The following ST6GAL2 variants were observed in gnomAD, a reference collection of about 807,000 sequenced individuals.
ST6GAL2 encodes ST6 beta-galactoside alpha-2,6-sialyltransferase 2, also known as beta-galactoside alpha-2,6-sialyltransferase 2.
In ST6GAL2, 24 loss-of-function variants were observed where a neutral mutation model predicts 37.5. That is an observed-to-expected ratio of 0.64 (90% CI 0.46 to 0.90). The LOEUF (loss-of-function observed/expected upper bound fraction) is 0.90. Ranked by LOEUF, ST6GAL2 falls within the 40% of genes least tolerant of loss-of-function variation. ST6GAL2 has a pLI of 0.00. For missense variants in ST6GAL2, 715 were observed against 712.7 expected, an observed-to-expected ratio of 1.00 and a Z score of -0.04; for synonymous variants, 306 against 295.1, an observed-to-expected ratio of 1.04 and a Z score of -0.38.
chr2:106,886,901 C>T (rs1573342518), upstream of ST6GAL2: 1 of 152,300 alleles, frequency 6.6e-6, no homozygotes, highest in Non-Finnish European at 1.5e-5. Context: ...CGGTGCGGGG[C>T]AGCACGGCTG....
intron 5 of ST6GAL2, among the ~76,000 whole-genome samples, chr2:106,810,261 T>C (rs1675556591): frequency 6.6e-6 from 1 of 152,252 alleles, no homozygotes; most frequent in South Asian, 2.1e-4. Context: ...TCAATATATG[T>C]AAATAGGCAC....
At chr2:106,855,967 C>T (rs1677557394) in intron 1 of ST6GAL2, among the ~76,000 whole-genome samples, 1 of 152,170 alleles carries the variant, frequency 6.6e-6, no homozygotes, top group South Asian at 2.1e-4. Context: ...ATGAAAGCTT[C>T]ACAGAGTGCT....
intron 1 of ST6GAL2, among the ~76,000 whole-genome samples, chr2:106,851,968 A>G (rs1677382102): frequency 6.6e-6 from 1 of 152,184 alleles, no homozygotes; most frequent in Non-Finnish European, 1.5e-5. Flanking sequence ...TCTGCAGCAA[A>G]GAGGAAGATA....
chr2:106,832,706 G>C, intron 3 of ST6GAL2, 40 bp from the exon 4 acceptor site: 4 of 1,373,574 alleles, frequency 2.9e-6, no homozygotes, highest in Admixed American at 3.4e-5. Flanking sequence ...GCCAGGGTTT[G>C]GTTTTTAAAA....
At chr2:106,869,124 G>C (rs1156336725) in intron 1 of ST6GAL2, among the ~76,000 whole-genome samples, 1 of 152,136 alleles carries the variant, frequency 6.6e-6, no homozygotes. Flanking sequence ...GTGGGCTTTG[G>C]AGGGGATTTG....
chr2:106,831,571 G>A (rs1418980025), intron 4 of ST6GAL2, among the ~76,000 whole-genome samples: 1 of 152,146 alleles, frequency 6.6e-6, no homozygotes, highest in African/African-American at 2.4e-5. Flanking sequence ...AATATACATT[G>A]AGGCTATATA....
intron 1 of ST6GAL2, among the ~76,000 whole-genome samples, chr2:106,868,222 G>A (rs901417347): frequency 2.6e-5 from 4 of 152,146 alleles, no homozygotes; most frequent in African/African-American, 9.7e-5. Context: ...GGGAAGGAAC[G>A]GAAGCCTGGA....
At chr2:106,816,602 G>C (rs779668240) in intron 5 of ST6GAL2, among the ~76,000 whole-genome samples, 32 of 152,110 alleles carry the variant, frequency 2.1e-4, no homozygotes, top group Admixed American at 2.0e-4. Flanking sequence ...TTAGAAATTT[G>C]AGAGGGCTAA....
chr2:106,879,241 T>C (rs1479534476), intron 1 of ST6GAL2, among the ~76,000 whole-genome samples: 4 of 152,158 alleles, frequency 2.6e-5, no homozygotes, highest in Non-Finnish European at 5.9e-5. Context: ...GGGGTATTAG[T>C]GGGATATGAT....
At position 106,843,822 on chromosome 2, in the gene ST6GAL2, C is replaced by A. The variant is rs765885273; in HGVS notation, c.156G>T (p.Leu52=). ...TGGCCCGCTGCTTCCCCTGCACCGGCAGGAGCCTCCTGGTCTCCAGGAAGG... is the reference window on the plus strand; with the variant it reads ...TGGCCCGCTGCTTCCCCTGCACCGGAAGGAGCCTCCTGGTCTCCAGGAAGG... The part of the protein sequence containing the change: ...SLSFLETRRL[L]PVQGKQRAIM... Residue 52 remains leucine (L), a synonymous_variant, in exon 2 of 6, where the codon CTG becomes CTT. Transcript: ENST00000409382. 2.8e-5 allele frequency: 45 copies of A among 1,611,980 alleles called. 1 individual carries two copies. The South Asian group carries it at 4.8e-4, about 17-fold the overall frequency.
At chr2:106,878,218 CT>C (rs1464195826) in intron 1 of ST6GAL2, among the ~76,000 whole-genome samples, 25 of 152,210 alleles carry the variant, frequency 1.6e-4, no homozygotes, top group Admixed American at 1.6e-3. Context: ...AGTCCCAGCA[CT>C]TTGGGGGTTG....
chr2:106,843,702 C>G lies in ST6GAL2; in HGVS notation c.276G>C (p.Gly92=). 1.2e-6 allele frequency: 2 copies of G among 1,613,144 alleles called. No individual in the cohort carries two copies. Among genetic ancestry groups the G allele is most frequent in the East Asian group, 2.2e-5 (1 of 44,850 alleles). Residue 92 remains glycine, a synonymous_variant, in exon 2 of 6, where the codon GGG becomes GGC. Transcript: ENST00000409382. ...GGGCCCATTTCTGCAGGTCTCCAGG[C>G]CCCGCATGAAAGGAACCGGCTGGGT... ...RAHPAGSFHA[G]PGDLQKWAQS... is the part of the protein sequence containing the mutation.
In ST6GAL2 at chr2:106,805,084, G is replaced by A. The variant is rs374620479; in HGVS notation, c.*1594C>T. ...TTTCCAGCTCCATATCTGCTGAATAGACTAACCAAACAGAAGCCTTCAGTC... is the reference window on the plus strand; with the variant it reads ...TTTCCAGCTCCATATCTGCTGAATAAACTAACCAAACAGAAGCCTTCAGTC... On this transcript the variant is annotated 3_prime_UTR_variant, in exon 6 of 6. Coordinates refer to ENST00000409382, the MANE Select transcript of ST6GAL2 (RefSeq NM_001142351.2). 1 of 152,100 alleles carries A rather than the reference G, an allele frequency of 6.6e-6. No homozygotes were observed. Among genetic ancestry groups the A allele is most frequent in the Admixed American group, 6.5e-5 (1 of 15,270 alleles). The allele number at this position is 152,100 out of a possible 1,614,324, so 9.4% of individuals were successfully genotyped here.
At chr2:106,826,736 A>G (rs552112406) in intron 5 of ST6GAL2, among the ~76,000 whole-genome samples, 7 of 152,360 alleles carry the variant, frequency 4.6e-5, no homozygotes, top group African/African-American at 1.7e-4. Flanking sequence ...GTTTAGAAAT[A>G]TAAGTAATGG....
chr2:106,818,008 TG>T (rs148511670), intron 5 of ST6GAL2, among the ~76,000 whole-genome samples: 2,007 of 152,084 alleles, frequency 0.013, 21 homozygotes, highest in African/African-American at 0.023. Context: ...GAAAGAACAG[TG>T]GGGAGGACTC....
At chr2:106,823,442 AACAC>A (rs60795605) in intron 5 of ST6GAL2, among the ~76,000 whole-genome samples, 239 of 101,592 alleles carry the variant, frequency 2.4e-3, no homozygotes, top group African/African-American at 7.0e-3. Flanking sequence ...CCCAGCAGAA[AACAC>A]ACACACACAC....
At chr2:106,853,901 T>C (rs951507375) in intron 1 of ST6GAL2, among the ~76,000 whole-genome samples, 1 of 152,168 alleles carries the variant, frequency 6.6e-6, no homozygotes, top group African/African-American at 2.4e-5. Flanking sequence ...AGAAACAGCA[T>C]TCATCTGCTT....
At chr2:106,862,988 C>CT (rs59565436) in intron 1 of ST6GAL2, among the ~76,000 whole-genome samples, 31 of 148,730 alleles carry the variant, frequency 2.1e-4, no homozygotes, top group East Asian at 5.9e-4. Context: ...ATGTAAATGT[C>CT]TTTTTTTTTT....
At chr2:106,853,664 G>A (rs1677463494) in intron 1 of ST6GAL2, among the ~76,000 whole-genome samples, 1 of 152,206 alleles carries the variant, frequency 6.6e-6, no homozygotes. Context: ...GCTCTTAGAA[G>A]ATGATACCAT....
Sources: gnomAD v4.1 joint callset for allele counts (sites outside exome capture counted in the v4.1 genomes callset) on GRCh38, gnomAD v4.1.1 for gene constraint, MANE v1.5 for transcripts, NCBI Gene and HGNC (gene_info 2026-07-23, HGNC 2026-07-21) for gene names.